SEC24D: variants seen among roughly 807,000 people sequenced by gnomAD.
SEC24D encodes the protein SEC24 homolog D, COPII component.
A neutral mutation model predicts 116.9 loss-of-function variants in SEC24D; 69 were observed. The ratio of observed to expected loss-of-function variants is 0.59; its 90% CI spans 0.49 to 0.72. The LOEUF (loss-of-function observed/expected upper bound fraction) is 0.72, where lower values mean the gene tolerates loss of function less well. SEC24D is among the 30% of genes least tolerant of loss of function. SEC24D has a pLI of 0.00. For synonymous variants in SEC24D, 405 were observed against 442.8 expected (o/e 0.91, Z 1.07); for missense variants, 1,131 against 1,264.1 (o/e 0.89, Z 1.60).
chr4:118,817,922 C>T (rs1003139542), intron 3 of SEC24D, among the ~76,000 whole-genome samples: 8 of 151,840 alleles, frequency 5.3e-5, no homozygotes, highest in African/African-American at 1.2e-4. Context: ...GGAGTGGTGG[C>T]GCTACTTGGG....
chr4:118,819,892 G>A (rs1473200573), intron 3 of SEC24D, among the ~76,000 whole-genome samples: 1 of 152,012 alleles, frequency 6.6e-6, no homozygotes, highest in Non-Finnish European at 1.5e-5. Context: ...GAGAATGAGA[G>A]ACTATATAAC....
chr4:118,824,548 C>A, intron 3 of SEC24D, 72 bp downstream of exon 3: 2 of 1,496,704 alleles, frequency 1.3e-6, no homozygotes, highest in Admixed American at 2.1e-5. Context: ...AATAAACATA[C>A]AAGCTTAGAA....
chr4:118,741,189 A>C, intron 15 of SEC24D, 152 bp from the exon 16 acceptor site: 1 of 470,570 alleles, frequency 2.1e-6, no homozygotes, highest in Non-Finnish European at 3.7e-6. Context: ...GGTTAAAGAA[A>C]ATATAGCATT....
At chr4:118,750,446 T>C (rs1281064276) in intron 13 of SEC24D, among the ~76,000 whole-genome samples, 1 of 152,236 alleles carries the variant, frequency 6.6e-6, no homozygotes, top group Non-Finnish European at 1.5e-5. Context: ...ACTCAGATCC[T>C]GTGGAACCTT....
intron 8 of SEC24D, among the ~76,000 whole-genome samples, chr4:118,782,195 G>A (rs1046786230): frequency 2.0e-5 from 3 of 152,308 alleles, no homozygotes; most frequent in African/African-American, 4.8e-5. Context: ...CAGCTTTTCT[G>A]CTCTGGTTTC....
intron 8 of SEC24D, among the ~76,000 whole-genome samples, chr4:118,793,045 G>A (rs151319444): frequency 4.1e-4 from 63 of 152,288 alleles, no homozygotes; most frequent in African/African-American, 1.5e-3. Context: ...AAGATCCCAA[G>A]TTCAAGCCTT....
chr4:118,810,018 G>A lies in SEC24D; in HGVS notation c.802-4064C>T, dbSNP rs191737510. On this transcript the variant is annotated intron_variant, in intron 6 of 22. Coordinates refer to ENST00000280551, the MANE Select transcript of SEC24D (RefSeq NM_014822.4). Reference sequence around the variant, plus strand: ...CCTGCCAAGGAACAACAAAGAGGCTGGTGTTGCTGGTCAAAGTGGGTGGAG... The same window carrying A: ...CCTGCCAAGGAACAACAAAGAGGCTAGTGTTGCTGGTCAAAGTGGGTGGAG... Among the ~76,000 whole-genome samples the A allele has an allele frequency of 2.2e-4, 34 of 151,576 alleles. 1 individual carries two copies. In the East Asian group the frequency reaches 6.6e-3, roughly 30 times the overall value.
chr4:118,742,182 A>G (rs892435198), intron 15 of SEC24D, among the ~76,000 whole-genome samples: 21 of 152,152 alleles, frequency 1.4e-4, no homozygotes, highest in African/African-American at 5.1e-4. Context: ...ATAGAAAAAA[A>G]AAAGTAATAA....
chr4:118,823,311 CAA>C (rs1374963232), intron 3 of SEC24D, among the ~76,000 whole-genome samples: 1 of 152,178 alleles, frequency 6.6e-6, no homozygotes, highest in Admixed American at 6.5e-5. Flanking sequence ...TCATGACAAA[CAA>C]GAGCCAGCCA....
At chr4:118,810,622 C>T (rs1578462744) in intron 6 of SEC24D, among the ~76,000 whole-genome samples, 1 of 152,220 alleles carries the variant, frequency 6.6e-6, no homozygotes, top group Non-Finnish European at 1.5e-5. Flanking sequence ...TGTTGAAACA[C>T]AGATTCCAGG....
intron 8 of SEC24D, among the ~76,000 whole-genome samples, chr4:118,774,790 A>G (rs1728059519): frequency 6.6e-6 from 1 of 152,068 alleles, no homozygotes; most frequent in Admixed American, 6.6e-5. Context: ...ATCTTTATTA[A>G]GCTCCTCCCC....
intron 8 of SEC24D, among the ~76,000 whole-genome samples, chr4:118,790,598 A>G (rs1728852153): frequency 6.6e-6 from 1 of 152,126 alleles, no homozygotes; most frequent in Admixed American, 6.5e-5. Flanking sequence ...AAAAATTTAA[A>G]ACGTATGGTA....
chr4:118,745,076 AACCC>A lies in SEC24D; in HGVS notation c.1708-20_1708-17del. ...AGTCTGCTGCCTAAAAAAAAAAAAA[AACCC>A]AAAAACCCACAGAAAATGCCGTGAG... On this transcript the variant is annotated splice_polypyrimidine_tract_variant and intron_variant, in intron 13 of 22. Coordinates refer to ENST00000280551, the MANE Select transcript of SEC24D (RefSeq NM_014822.4). 2 of 1,399,906 alleles carry A rather than the reference AACCC, an allele frequency of 1.4e-6. No individual in the cohort carries two copies. Among genetic ancestry groups the A allele is most frequent in the Non-Finnish European group, 2.0e-6 (2 of 1,011,072 alleles). 86.7% of individuals were successfully genotyped at this position (1,399,906 alleles called of 1,614,324 possible).
chr4:118,790,223 C>T (rs1322649141), intron 8 of SEC24D, among the ~76,000 whole-genome samples: 1 of 152,130 alleles, frequency 6.6e-6, no homozygotes, highest in Non-Finnish European at 1.5e-5. Context: ...ACTACTATAT[C>T]CATTTATAAC....
In SEC24D at chr4:118,833,682, AC is replaced by A. The variant is rs1206419244; in HGVS notation, c.14del (p.Gly5ValfsTer15). The A allele has an allele frequency of 6.2e-7, 1 of 1,611,254 alleles. No individual in the cohort carries two copies. The highest frequency in any genetic ancestry group is 8.5e-7 in the Non-Finnish European group (1 of 1,178,538). On this transcript the variant is annotated frameshift_variant, in exon 2 of 23. Transcript: ENST00000280551. LOFTEE classifies it high-confidence loss of function. MSQQ[G>X]YVATPPYSQP... ...GAGAATACGGAGGTGTAGCCACGTA[AC>A]CTTGTTGACTCATTATGAAAATATC... is the stretch of plus-strand genomic sequence containing the variant.
Position 118,771,672 on chromosome 4 carries a change from TA to T in SEC24D, c.1042-3362del, listed in dbSNP as rs1727911685. Reference sequence around the variant, plus strand: ...GATATCCAACAATTAAGAAACAAAATAAAACAACTTTTGATTATTTTTCCAT... The same window carrying T: ...GATATCCAACAATTAAGAAACAAAATAAACAACTTTTGATTATTTTTCCAT... On this transcript the variant is annotated intron_variant, in intron 8 of 22. Coordinates refer to ENST00000280551, the MANE Select transcript of SEC24D (RefSeq NM_014822.4). 2.6e-5 allele frequency among the ~76,000 whole-genome samples: 4 copies of T among 152,274 alleles called. No homozygotes were observed. In the South Asian group the frequency reaches 8.3e-4, roughly 32 times the overall value.
chr4:118,820,321 C>T lies in SEC24D; in HGVS notation c.249-2909G>A, dbSNP rs1578474157. Among the ~76,000 whole-genome samples, 3 of 152,000 alleles carry T rather than the reference C, an allele frequency of 2.0e-5. No individual in the cohort carries two copies. The East Asian group carries it at 5.8e-4, about 29-fold the overall frequency. On this transcript the variant is annotated intron_variant, in intron 3 of 22. Coordinates refer to ENST00000280551, the MANE Select transcript of SEC24D (RefSeq NM_014822.4). ...TCAGCCTTCCGAGTAGCTGGGATTA[C>T]AGGTACGCAGCACCACACCCAGCTA...
chr4:118,826,620 CT>C (rs750598413), intron 2 of SEC24D, among the ~76,000 whole-genome samples: 2 of 146,934 alleles, frequency 1.4e-5, no homozygotes, highest in Non-Finnish European at 1.5e-5. Flanking sequence ...TTTTTTTGGT[CT>C]TTTTTTTTCT....
chr4:118,784,741 C>CG (rs1288889732), intron 8 of SEC24D, among the ~76,000 whole-genome samples: 1 of 61,312 alleles, frequency 1.6e-5, no homozygotes, highest in South Asian at 4.7e-4. Context: ...CCTTCCCTGC[C>CG]CCCCCCCCCG....
Sources: allele counts gnomAD v4.1 joint callset (sites outside exome capture counted in the v4.1 genomes callset), GRCh38; gene constraint gnomAD v4.1.1; transcripts MANE v1.5; gene names NCBI Gene and HGNC (gene_info 2026-07-23, HGNC 2026-07-21).